The following METTL9 variants were observed in gnomAD, a reference collection of about 807,000 sequenced individuals.
METTL9 encodes protein-L-histidine N-pros-methyltransferase.
Under a neutral mutation model 36.0 loss-of-function variants are expected in METTL9, and 10 were observed. That is an observed-to-expected ratio of 0.28 (90% CI 0.17 to 0.47). The LOEUF (loss-of-function observed/expected upper bound fraction) is 0.47, where lower values mean the gene tolerates loss of function less well. METTL9 is among the 20% of genes least tolerant of loss of function. The probability of loss-of-function intolerance (pLI) is 0.99; values close to 1 mark genes in which losing one functional copy is unlikely to be tolerated. For synonymous variants in METTL9, 175 were observed against 149.7 expected (o/e 1.17, Z -1.23); for missense variants, 246 against 383.5 (o/e 0.64, Z 3.00).
At chr16:21,641,348 G>T in intron 4 of METTL9, 1 of 398,566 alleles carries the variant, frequency 2.5e-6, no homozygotes, top group Non-Finnish European at 4.5e-6. Context: ...GCATTTTGTT[G>T]GGTTTTAGTA....
intron 3 of METTL9, among the ~76,000 whole-genome samples, chr16:21,621,695 G>A (rs566774389): frequency 6.6e-6 from 1 of 152,182 alleles, no homozygotes; most frequent in South Asian, 2.1e-4. Flanking sequence ...GTATTCGCAA[G>A]TTGTCATTGT....
intron 1 of METTL9, among the ~76,000 whole-genome samples, chr16:21,605,534 T>C (rs975509509): frequency 8.6e-5 from 13 of 151,882 alleles, no homozygotes; most frequent in Non-Finnish European, 1.6e-4. Context: ...CGTGAGCCAC[T>C]GCTCCTGGCC....
intron 4 of METTL9, among the ~76,000 whole-genome samples, chr16:21,643,827 CCTT>C (rs71379628): frequency 0.073 from 11,113 of 152,188 alleles, 588 homozygotes; most frequent in South Asian, 0.2. Flanking sequence ...TATACATCTC[CCTT>C]CTTATACACA....
chr16:21,654,308 G>T (rs1966656551), intron 4 of METTL9: 1 of 152,178 alleles, frequency 6.6e-6, no homozygotes, highest in Admixed American at 6.6e-5. Context: ...GCCTCCCAAA[G>T]TGCTGGGATT....
At chr16:21,607,450 G>A (rs1045070411) in intron 1 of METTL9, among the ~76,000 whole-genome samples, 2 of 152,122 alleles carry the variant, frequency 1.3e-5, no homozygotes, top group Non-Finnish European at 2.9e-5. Context: ...CATTCAAAAC[G>A]CGTGGCAGCC....
intron 1 of METTL9, among the ~76,000 whole-genome samples, chr16:21,600,126 G>A (rs531167729): frequency 1.3e-5 from 2 of 152,188 alleles, no homozygotes; most frequent in East Asian, 3.9e-4. Flanking sequence ...AGCGCAGGCG[G>A]GGCATGGCCT....
intron 1 of METTL9, among the ~76,000 whole-genome samples, chr16:21,611,162 G>A (rs980229255): frequency 8.5e-5 from 13 of 152,148 alleles, no homozygotes; most frequent in African/African-American, 2.9e-4. Flanking sequence ...TGATGAAATG[G>A]CAAATTAGCA....
chr16:21,640,531 A>C (rs146372127), intron 4 of METTL9: 5,393 of 148,748 alleles, frequency 0.036, 135 homozygotes, highest in Admixed American at 0.067. Flanking sequence ...CAGGCAGATC[A>C]TCTGAGGTCT....
At position 21,599,955 on chromosome 16, in the gene METTL9, G is replaced by A; in HGVS notation, c.165+57G>A. On this transcript the variant is annotated intron_variant, in intron 1 of 4. Coordinates refer to ENST00000358154, the MANE Select transcript of METTL9 (RefSeq NM_016025.5). The surrounding 1 kb of genome is among the most constrained non-coding windows in gnomAD (Gnocchi z 4.4). ...CGTGGCGGCCCGGCCTTCCCGCGCT[G>A]GGCCCGGCTATTGTGCGGGACGGCT... The A allele has an allele frequency of 7.9e-7, 1 of 1,268,424 alleles. No homozygotes were observed. The highest frequency in any genetic ancestry group is 9.9e-7 in the Non-Finnish European group (1 of 1,009,222). 78.6% of individuals were successfully genotyped at this position (1,268,424 alleles called of 1,614,324 possible).
At chr16:21,598,264 G>A (rs1964998318), upstream of METTL9, among the ~76,000 whole-genome samples, 1 of 151,068 alleles carries the variant, frequency 6.6e-6, no homozygotes, top group Non-Finnish European at 1.5e-5. Flanking sequence ...CAGAAGAATT[G>A]CTTGAACCCG....
At chr16:21,654,132 C>T (rs559113389) in intron 4 of METTL9, 5 of 150,226 alleles carry the variant, frequency 3.3e-5, no homozygotes, top group African/African-American at 9.8e-5. Flanking sequence ...AGCTCCGCCT[C>T]CCGGGTTCAC....
chr16:21,620,435 C>A (rs1965666170), intron 3 of METTL9, among the ~76,000 whole-genome samples: 2 of 152,056 alleles, frequency 1.3e-5, no homozygotes, highest in African/African-American at 4.8e-5. Context: ...GATTCCACCT[C>A]CCCCCCTTAA....
At chr16:21,632,020 C>A (rs1171897876) in intron 4 of METTL9, among the ~76,000 whole-genome samples, 1 of 152,110 alleles carries the variant, frequency 6.6e-6, no homozygotes, top group Admixed American at 6.6e-5. Flanking sequence ...CTCTTCCTCT[C>A]TTCCCTTTCT....
At chr16:21,634,919 A>C (rs1966049124) in intron 4 of METTL9, among the ~76,000 whole-genome samples, 1 of 151,798 alleles carries the variant, frequency 6.6e-6, no homozygotes, top group East Asian at 1.9e-4. Flanking sequence ...GATGTTTACG[A>C]CTCCAGTCCC....
chr16:21,624,931 A>C lies in METTL9; in HGVS notation c.567A>C (p.Arg189Ser). 6.2e-7 allele frequency: 1 copy of C among 1,613,536 alleles called. No individual in the cohort carries two copies. The highest frequency in any genetic ancestry group is 1.1e-5 in the South Asian group (1 of 91,064). Residue 189 changes from arginine (R) to serine (S), a missense_variant and splice_region_variant, in exon 4 of 5, where the codon AGA becomes AGC. Coordinates refer to ENST00000358154, the MANE Select transcript of METTL9 (RefSeq NM_016025.5). ...MIWQLQKKKYRVLGINEWQNT... is the reference protein window; with the variant it reads ...MIWQLQKKKYSVLGINEWQNT... ...ATACAGTTATTTCTGATTTTTCTAGAGTCCTTGGTATAAATGAATGGCAGA... is the reference window on the plus strand; with the variant it reads ...ATACAGTTATTTCTGATTTTTCTAGCGTCCTTGGTATAAATGAATGGCAGA...
intron 4 of METTL9, among the ~76,000 whole-genome samples, chr16:21,650,055 C>T (rs935218091): frequency 3.9e-5 from 6 of 152,222 alleles, no homozygotes; most frequent in East Asian, 1.9e-4. Flanking sequence ...AGGCTGAGAC[C>T]GGAGGCTGAT....
chr16:21,644,438 C>G (rs1334798944), intron 4 of METTL9: 1 of 1,374,656 alleles, frequency 7.3e-7, no homozygotes, highest in East Asian at 2.3e-5. Flanking sequence ...ACTATTAAAG[C>G]CTATTCTTTC....
At chr16:21,598,577 C>G (rs1965007618), upstream of METTL9, among the ~76,000 whole-genome samples, 1 of 152,150 alleles carries the variant, frequency 6.6e-6, no homozygotes, top group African/African-American at 2.4e-5. Flanking sequence ...AAGTTAGGGA[C>G]TCCCACGAAA....
chr16:21,602,514 G>C (rs1273886224), intron 1 of METTL9, among the ~76,000 whole-genome samples: 1 of 152,114 alleles, frequency 6.6e-6, no homozygotes, highest in Non-Finnish European at 1.5e-5. Context: ...TGGGAGGCCA[G>C]ACTGGTCTCA....
Sources: allele counts gnomAD v4.1 joint callset (sites outside exome capture counted in the v4.1 genomes callset), GRCh38; gene constraint gnomAD v4.1.1; non-coding constraint Gnocchi (gnomAD v3.1); transcripts MANE v1.5; gene names NCBI Gene and HGNC (gene_info 2026-07-23, HGNC 2026-07-21).